GRID2: variants seen among roughly 807,000 people sequenced by gnomAD.
GRID2 encodes glutamate ionotropic receptor delta type subunit 2.
Under a neutral mutation model 114.8 loss-of-function variants are expected in GRID2, and 33 were observed. That is an observed-to-expected ratio of 0.29 (90% CI 0.22 to 0.38). GRID2 has a LOEUF of 0.38. Among genes scored for constraint, GRID2 ranks in the 10% least tolerant of loss-of-function variants. GRID2 has a pLI of 1.00. For missense variants in GRID2, 1,184 were observed against 1,257.7 expected (o/e 0.94, Z 0.89); for synonymous variants, 505 against 449.9 (o/e 1.12, Z -1.55).
At chr4:93,725,318 AT>A (rs1318252929) in intron 14 of GRID2, among the ~76,000 whole-genome samples, 3 of 152,084 alleles carry the variant, frequency 2.0e-5, no homozygotes, top group Non-Finnish European at 2.9e-5. Flanking sequence ...TGAACTCATC[AT>A]TTTTTATGGC....
At chr4:92,832,619 C>G (rs898833650) in intron 2 of GRID2, among the ~76,000 whole-genome samples, 1 of 152,088 alleles carries the variant, frequency 6.6e-6, no homozygotes, top group Non-Finnish European at 1.5e-5. Flanking sequence ...GTCTCAAAAT[C>G]CCGACCTCAG....
chr4:93,703,379 C>A (rs1435615389), intron 14 of GRID2, among the ~76,000 whole-genome samples: 2 of 152,064 alleles, frequency 1.3e-5, no homozygotes, highest in Non-Finnish European at 2.9e-5. Flanking sequence ...CCTCAAGCAT[C>A]TATTATTTCT....
At chr4:93,059,656 G>A (rs1435397027) in intron 2 of GRID2, among the ~76,000 whole-genome samples, 3 of 151,846 alleles carry the variant, frequency 2.0e-5, no homozygotes, top group African/African-American at 4.8e-5. Flanking sequence ...TCATTCTATG[G>A]ATATGCCAAA....
chr4:92,323,182 A>T (rs1192643139), intron 1 of GRID2, among the ~76,000 whole-genome samples: 1 of 152,138 alleles, frequency 6.6e-6, no homozygotes, highest in Non-Finnish European at 1.5e-5. Flanking sequence ...TCATCAAGTA[A>T]CCAACAGTTT....
At chr4:92,457,379 A>G (rs1238312040) in intron 1 of GRID2, among the ~76,000 whole-genome samples, 1 of 152,192 alleles carries the variant, frequency 6.6e-6, no homozygotes, top group African/African-American at 2.4e-5. Flanking sequence ...GGCAAAGTTT[A>G]TCTCTGAGTC....
intron 13 of GRID2, among the ~76,000 whole-genome samples, chr4:93,608,902 G>A (rs1306293072): frequency 7.6e-6 from 1 of 131,326 alleles, no homozygotes; most frequent in East Asian, 2.0e-4. Flanking sequence ...CTTCCACAAT[G>A]GTTGAACTAG....
intron 13 of GRID2, among the ~76,000 whole-genome samples, chr4:93,576,376 G>A (rs1002449079): frequency 3.3e-5 from 5 of 152,056 alleles, no homozygotes; most frequent in African/African-American, 7.2e-5. Flanking sequence ...AACAAAATCC[G>A]CTGACAAAAT....
intron 13 of GRID2, among the ~76,000 whole-genome samples, chr4:93,615,753 T>C (rs1741573151): frequency 6.6e-6 from 1 of 152,130 alleles, no homozygotes; most frequent in Non-Finnish European, 1.5e-5. Flanking sequence ...AGTTTTGAAG[T>C]AGTTGTATTT....
At chr4:92,807,679 G>A (rs912737382) in intron 2 of GRID2, among the ~76,000 whole-genome samples, 3 of 152,024 alleles carry the variant, frequency 2.0e-5, no homozygotes, top group Admixed American at 6.6e-5. Context: ...GAAAGGAGAC[G>A]TTGATAAGAT....
chr4:93,555,881 C>G (rs1734269772), intron 13 of GRID2, among the ~76,000 whole-genome samples: 1 of 152,146 alleles, frequency 6.6e-6, no homozygotes, highest in African/African-American at 2.4e-5. Flanking sequence ...TGGCAGGTGT[C>G]CCTCTGGGAC....
chr4:92,900,648 G>T (rs539250848), intron 2 of GRID2, among the ~76,000 whole-genome samples: 68 of 152,160 alleles, frequency 4.5e-4, no homozygotes, highest in African/African-American at 1.5e-3. Context: ...GGCTAACACG[G>T]TGAAACCCTA....
intron 14 of GRID2, among the ~76,000 whole-genome samples, chr4:93,736,007 G>C (rs763434378): frequency 3.0e-4 from 45 of 151,870 alleles, no homozygotes; most frequent in Admixed American, 1.2e-3. Context: ...GAGGAAAGGA[G>C]GAAAAGTCAC....
At chr4:93,047,630 C>G (rs1248196919) in intron 2 of GRID2, among the ~76,000 whole-genome samples, 1 of 151,962 alleles carries the variant, frequency 6.6e-6, no homozygotes, top group Non-Finnish European at 1.5e-5. Flanking sequence ...AATTATTGTA[C>G]TTATCATAGA....
intron 2 of GRID2, among the ~76,000 whole-genome samples, chr4:92,639,404 G>A (rs1420939566): frequency 6.6e-6 from 1 of 151,616 alleles, no homozygotes; most frequent in Non-Finnish European, 1.5e-5. Flanking sequence ...ATATTTCTAT[G>A]TTCTTGCTTA....
intron 1 of GRID2, among the ~76,000 whole-genome samples, chr4:92,318,402 G>T (rs1289576642): frequency 1.3e-5 from 2 of 148,652 alleles, no homozygotes; most frequent in Admixed American, 6.7e-5. Context: ...CTTTAGTTAG[G>T]GAATAAGTTG....
chr4:93,007,607 A>G (rs924527612), intron 2 of GRID2, among the ~76,000 whole-genome samples: 1 of 152,158 alleles, frequency 6.6e-6, no homozygotes, highest in Non-Finnish European at 1.5e-5. Context: ...AGGGATTATT[A>G]AATAAACTTG....
chr4:93,524,799 ATATATATATATATATGTATGTATG>A (rs1195654648), intron 13 of GRID2, among the ~76,000 whole-genome samples: 3,288 of 79,004 alleles, frequency 0.042, 60 homozygotes, highest in African/African-American at 0.057. Context: ...ATATATATAT[ATATATATATATATATGTATGTATG>A]TATATATATA....
intron 2 of GRID2, among the ~76,000 whole-genome samples, chr4:92,959,951 C>G (rs1298850757): frequency 6.6e-6 from 1 of 151,428 alleles, no homozygotes; most frequent in Non-Finnish European, 1.5e-5. Flanking sequence ...ACATGTGTAC[C>G]TATGTAACAA....
At chr4:92,729,830 A>T (rs570990227) in intron 2 of GRID2, among the ~76,000 whole-genome samples, 34 of 151,898 alleles carry the variant, frequency 2.2e-4, no homozygotes, top group African/African-American at 8.2e-4. Context: ...AGTAAAAAAA[A>T]ATCCTCTTTA....
Sources: allele counts gnomAD v4.1 joint callset (sites outside exome capture counted in the v4.1 genomes callset), GRCh38; gene constraint gnomAD v4.1.1; transcripts MANE v1.5; gene names NCBI Gene and HGNC (gene_info 2026-07-23, HGNC 2026-07-21).